BOC: variants seen among roughly 807,000 people sequenced by gnomAD.
BOC encodes the protein brother of CDO.
A neutral mutation model predicts 112.0 loss-of-function variants in BOC; 76 were observed. The ratio of observed to expected loss-of-function variants is 0.68; its 90% CI spans 0.56 to 0.82. BOC has a LOEUF of 0.82. Among genes scored for constraint, BOC ranks in the 40% least tolerant of loss-of-function variants. The pLI, the probability that BOC is intolerant of heterozygous loss-of-function variation, is 0.00. For synonymous variants in BOC, 580 were observed against 599.8 expected (o/e 0.97, Z 0.48); for missense variants, 1,309 against 1,511.7 (o/e 0.87, Z 2.22).
intron 5 of BOC, chr3:113,270,315 T>A (rs1222688751): frequency 1.3e-5 from 2 of 156,488 alleles, no homozygotes; most frequent in Admixed American, 1.2e-4. Flanking sequence ...GTGTGCAGCC[T>A]GGGCCTCTCA....
chr3:113,216,147 T>C, intron 1 of BOC, 40 bp from the exon 2 acceptor site: 1 of 444,846 alleles, frequency 2.2e-6, no homozygotes, highest in South Asian at 1.6e-5. Context: ...CAGAACTGTT[T>C]ATTTTGTTCA....
intron 4 of BOC, among the ~76,000 whole-genome samples, chr3:113,252,508 G>A (rs1945756279): frequency 1.3e-5 from 2 of 152,140 alleles, no homozygotes; most frequent in African/African-American, 2.4e-5. Flanking sequence ...CTTGAGTCCT[G>A]GGAGGAGAGT....
intron 2 of BOC, among the ~76,000 whole-genome samples, chr3:113,237,482 G>C (rs1276598049): frequency 3.3e-5 from 5 of 152,150 alleles, no homozygotes; most frequent in Non-Finnish European, 7.3e-5. Flanking sequence ...TCCTAGATTA[G>C]ATTCTCCTGC....
chr3:113,280,645 A>G lies in BOC; in HGVS notation c.2293A>G (p.Lys765Glu). Residue 765 changes from lysine to glutamate, a missense_variant, in exon 14 of 20, where the codon AAG (lysine) becomes GAG (glutamate). Physicochemically the swap from Lys to Glu is moderately conservative, Grantham distance 56. Transcript: ENST00000682979. Reference sequence around the variant, plus strand: ...AGACAGTGACAATGATAGTGACTACAAGAAGGATATGGTGGAAGGTGAGAC... The same window carrying G: ...AGACAGTGACAATGATAGTGACTACGAGAAGGATATGGTGGAAGGTGAGAC... ...PTDSDNDSDYKKDMVEGDKYW... is the reference protein window; with the variant it reads ...PTDSDNDSDYEKDMVEGDKYW... 2.5e-6 allele frequency: 4 copies of G among 1,606,126 alleles called. No homozygotes were observed.
chr3:113,220,755 T>C (rs975479500), intron 2 of BOC, among the ~76,000 whole-genome samples: 25 of 152,222 alleles, frequency 1.6e-4, no homozygotes, highest in African/African-American at 4.1e-4. Context: ...CAAGCTGCCT[T>C]TCCCAGCCTT....
At chr3:113,236,771 A>G (rs1269140671) in intron 2 of BOC, among the ~76,000 whole-genome samples, 1 of 152,248 alleles carries the variant, frequency 6.6e-6, no homozygotes, top group Non-Finnish European at 1.5e-5. Context: ...CTATAAGCCA[A>G]AAAGGTGGCA....
rs373840149 is a variant in BOC, at chr3:113,272,418, G to A, written c.676G>A (p.Ala226Thr). ...SDRLRVRRST[A>T]EAARIIYPPE... ...CCTCCTTGCCCCTCCAGGCTCCACC[G>A]CTGAGGCTGCCCGCATCATCTACCC... Residue 226 changes from alanine to threonine, a missense_variant, in exon 7 of 20, where the codon GCT becomes ACT. Physicochemically the swap from Ala to Thr is moderately conservative, Grantham distance 58. Coordinates refer to ENST00000682979, the MANE Select transcript of BOC (RefSeq NM_001378074.1). 12 of 1,613,138 alleles carry A rather than the reference G, an allele frequency of 7.4e-6. No individual in the cohort carries two copies. Among genetic ancestry groups the A allele is most frequent in the Middle Eastern group, 1.6e-4 (1 of 6,080 alleles).
chr3:113,275,427 C>T (rs1948561670), intron 9 of BOC, among the ~76,000 whole-genome samples: 1 of 152,210 alleles, frequency 6.6e-6, no homozygotes, highest in South Asian at 2.1e-4. Flanking sequence ...CCCCAGGCCG[C>T]CACTCTCGCT....
chr3:113,275,269 G>A (rs1009080891), intron 9 of BOC, among the ~76,000 whole-genome samples: 2 of 152,218 alleles, frequency 1.3e-5, no homozygotes, highest in African/African-American at 4.8e-5. Flanking sequence ...TCAGACCTCA[G>A]CTGTTTCTCC....
In BOC at chr3:113,255,037, G is replaced by T. The variant is rs149496413; in HGVS notation, c.376+4204G>T. Among the ~76,000 whole-genome samples, 43 of 152,220 alleles carry T rather than the reference G, an allele frequency of 2.8e-4. No homozygotes were observed. In the East Asian group the frequency reaches 8.1e-3, roughly 29 times the overall value. On this transcript the variant is annotated intron_variant, in intron 4 of 19. Coordinates refer to ENST00000682979, the MANE Select transcript of BOC (RefSeq NM_001378074.1). ...CCTGGCCATGTGGGTAATGGCTGCTGCATGCTCTGTGGAGGTGCCCATCTC... is the reference window on the plus strand; with the variant it reads ...CCTGGCCATGTGGGTAATGGCTGCTTCATGCTCTGTGGAGGTGCCCATCTC...
chr3:113,222,413 A>G (rs970627721), intron 2 of BOC, among the ~76,000 whole-genome samples: 8 of 152,196 alleles, frequency 5.3e-5, no homozygotes, highest in Non-Finnish European at 1.0e-4. Flanking sequence ...ATTCTGGAGT[A>G]TATGTATATG....
intron 4 of BOC, among the ~76,000 whole-genome samples, chr3:113,253,931 A>C (rs1307345678): frequency 6.6e-6 from 1 of 152,186 alleles, no homozygotes; most frequent in Non-Finnish European, 1.5e-5. Flanking sequence ...CAAGACCATA[A>C]CCATTCATTT....
chr3:113,250,516 G>T, intron 3 of BOC, 39 bp from the exon 4 acceptor site: 1 of 1,556,404 alleles, frequency 6.4e-7, no homozygotes, highest in Admixed American at 1.9e-5. Context: ...GTTTTCTTGG[G>T]GGCATCAGTT....
At chr3:113,253,259 TA>T (rs985749599) in intron 4 of BOC, among the ~76,000 whole-genome samples, 3 of 152,144 alleles carry the variant, frequency 2.0e-5, no homozygotes, top group African/African-American at 7.2e-5. Context: ...TTAACTTTTT[TA>T]TTGAGTATAA....
intron 4 of BOC, among the ~76,000 whole-genome samples, chr3:113,258,987 A>G (rs1195184664): frequency 6.6e-6 from 1 of 152,196 alleles, no homozygotes; most frequent in Non-Finnish European, 1.5e-5. Flanking sequence ...TGCAGGCAGA[A>G]ATTAATAGCT....
At chr3:113,246,841 C>T (rs1020733136) in intron 2 of BOC, among the ~76,000 whole-genome samples, 11 of 152,136 alleles carry the variant, frequency 7.2e-5, no homozygotes, top group Non-Finnish European at 1.3e-4. Flanking sequence ...TTCTCACTCC[C>T]TCTCACTCCC....
intron 11 of BOC, 76 bp from the exon 12 acceptor site, chr3:113,279,173 A>G (rs113596781): frequency 2.0e-6 from 3 of 1,466,000 alleles, no homozygotes; most frequent in African/African-American, 2.8e-5. Context: ...GTGGGCATAC[A>G]GCGTCATCTC....
At chr3:113,281,301 T>G in intron 15 of BOC, 148 bp downstream of exon 15, 1 of 983,354 alleles carries the variant, frequency 1.0e-6, no homozygotes, top group East Asian at 2.6e-5. Context: ...CATGTTTCAC[T>G]CTCTACTCAT....
Position 113,272,529 on chromosome 3 carries a change from AC to A in BOC, c.789del (p.Trp264GlyfsTer18). On this transcript the variant is annotated frameshift_variant, in exon 7 of 20. Coordinates refer to ENST00000682979, the MANE Select transcript of BOC (RefSeq NM_001378074.1). LOFTEE classifies it high-confidence loss of function. ...CAGTGGAATCCCACCCCCACGGGTC[AC>A]CTGGGCCAAGGATGGGTCCAGTGTC... Reference protein sequence around the residue: ...VASGIPPPRVTWAKDGSSVTG... With the variant: ...VASGIPPPRVXWAKDGSSVTG... 1 of 1,614,066 alleles carries A rather than the reference AC, an allele frequency of 6.2e-7. No homozygotes were observed. The highest frequency in any genetic ancestry group is 8.5e-7 in the Non-Finnish European group (1 of 1,179,990).
Sources: gnomAD v4.1 joint callset for allele counts (sites outside exome capture counted in the v4.1 genomes callset) on GRCh38, gnomAD v4.1.1 for gene constraint, MANE v1.5 for transcripts, NCBI Gene and HGNC (gene_info 2026-07-23, HGNC 2026-07-21) for gene names.